PTCHD4: variants seen among roughly 807,000 people sequenced by gnomAD.
The protein encoded by PTCHD4 is patched domain containing 4, also known as patched domain-containing protein 4.
PTCHD4 carries 33 observed loss-of-function variants against 58.1 expected under a neutral mutation model. The observed-to-expected ratio is 0.57, with a 90% CI of 0.43 to 0.76. The LOEUF (loss-of-function observed/expected upper bound fraction) is 0.76, where lower values mean the gene tolerates loss of function less well. Ranked by LOEUF, PTCHD4 falls within the 30% of genes least tolerant of loss-of-function variation. PTCHD4 has a pLI of 0.00. For synonymous variants in PTCHD4, 478 were observed against 409.6 expected (o/e 1.17, Z -2.02); for missense variants, 1,058 against 1,027.1 (o/e 1.03, Z -0.41).
chr6:48,110,417 A>T lies in PTCHD4; in HGVS notation c.-970+632T>A, dbSNP rs183510200. On this transcript the variant is annotated intron_variant, in intron 1 of 4. Transcript: ENST00000339488. ...TCTCACTTACACACAGATTTTTTTAAAAAATAGAATACATAAAAGAAACAG... is the reference window on the plus strand; with the variant it reads ...TCTCACTTACACACAGATTTTTTTATAAAATAGAATACATAAAAGAAACAG... Among the ~76,000 whole-genome samples, 398 of 152,208 alleles carry T rather than the reference A, an allele frequency of 2.6e-3. 1 individual carries two copies. Among genetic ancestry groups the T allele is most frequent in the African/African-American group, 7.9e-3 (328 of 41,542 alleles).
chr6:48,084,260 A>C (rs1361076069), intron 1 of PTCHD4, among the ~76,000 whole-genome samples: 1 of 152,220 alleles, frequency 6.6e-6, no homozygotes, highest in Non-Finnish European at 1.5e-5. Flanking sequence ...TCTGTATTCT[A>C]CTGGATACTT....
chr6:48,074,275 G>A (rs1024582162), intron 1 of PTCHD4, among the ~76,000 whole-genome samples: 1 of 152,164 alleles, frequency 6.6e-6, no homozygotes, highest in African/African-American at 2.4e-5. Context: ...ATAACAAGAT[G>A]TCCACAAGAA....
At chr6:47,916,487 A>G (rs1765247979) in intron 4 of PTCHD4, among the ~76,000 whole-genome samples, 1 of 151,956 alleles carries the variant, frequency 6.6e-6, no homozygotes, top group Non-Finnish European at 1.5e-5. Context: ...TCTCCCCACC[A>G]CCTACAAATA....
At chr6:48,075,598 C>T (rs1447563913) in intron 1 of PTCHD4, among the ~76,000 whole-genome samples, 1 of 152,126 alleles carries the variant, frequency 6.6e-6, no homozygotes, top group South Asian at 2.1e-4. Context: ...ATTGCAGGTT[C>T]ATTTCCAGAC....
At chr6:48,095,710 AAAAC>A (rs1379084048) in intron 1 of PTCHD4, among the ~76,000 whole-genome samples, 71 of 148,768 alleles carry the variant, frequency 4.8e-4, no homozygotes, top group African/African-American at 1.5e-3. Context: ...AACAAAAACA[AAAAC>A]AAACAAACAA....
chr6:47,905,112 C>A (rs545853678), intron 4 of PTCHD4, among the ~76,000 whole-genome samples: 15 of 147,594 alleles, frequency 1.0e-4, no homozygotes, highest in African/African-American at 3.5e-4. Flanking sequence ...CTTTTGACAG[C>A]AACGTGGAAA....
At chr6:48,088,237 C>T (rs1311596884) in intron 1 of PTCHD4, among the ~76,000 whole-genome samples, 1 of 151,822 alleles carries the variant, frequency 6.6e-6, no homozygotes, top group Admixed American at 6.6e-5. Context: ...TTTAGTGTGC[C>T]CCGTTTGGAA....
intron 4 of PTCHD4, among the ~76,000 whole-genome samples, chr6:47,885,710 A>AT (rs528017668): frequency 1.5e-3 from 224 of 152,212 alleles, no homozygotes; most frequent in African/African-American, 4.9e-3. Context: ...CTTTAAGAAC[A>AT]TTTTTTCCAA....
chr6:47,866,638 C>T lies in PTCHD4; in HGVS notation c.*11665G>A, dbSNP rs1377841053. On this transcript the variant is annotated 3_prime_UTR_variant, in exon 5 of 5. Transcript: ENST00000339488. ...CTCTAAAAAGCATAATTAGGAAATGCTTTTTTCAGGTTTAAAGTTTAAAAT... is the reference window on the plus strand; with the variant it reads ...CTCTAAAAAGCATAATTAGGAAATGTTTTTTTCAGGTTTAAAGTTTAAAAT... 6.6e-6 allele frequency among the ~76,000 whole-genome samples: 1 copy of T among 151,796 alleles called. No homozygotes were observed. The highest frequency in any genetic ancestry group is 6.6e-5 in the Admixed American group (1 of 15,202).
chr6:48,018,148 T>C lies in PTCHD4; in HGVS notation c.418-9034A>G, dbSNP rs141532864. 5.4e-3 allele frequency among the ~76,000 whole-genome samples: 817 copies of C among 152,304 alleles called. 9 individuals carry two copies. The highest frequency in any genetic ancestry group is 0.019 in the African/African-American group (789 of 41,560). Reference sequence around the variant, plus strand: ...AGATTATTCCATATTTCCCAGCAAATGTTTGTAATATGGTGGAAAGAACAT... The same window carrying C: ...AGATTATTCCATATTTCCCAGCAAACGTTTGTAATATGGTGGAAAGAACAT... On this transcript the variant is annotated intron_variant, in intron 3 of 4. Transcript: ENST00000339488.
intron 4 of PTCHD4, among the ~76,000 whole-genome samples, chr6:47,905,247 AG>A (rs1180108813): frequency 1.3e-5 from 2 of 152,208 alleles, no homozygotes; most frequent in Non-Finnish European, 2.9e-5. Context: ...AAAACGTGGT[AG>A]ATTTTACCTT....
chr6:47,881,604 A>G (rs114412653), intron 4 of PTCHD4, among the ~76,000 whole-genome samples: 2 of 152,270 alleles, frequency 1.3e-5, no homozygotes, highest in African/African-American at 2.4e-5. Flanking sequence ...CTAACCAACA[A>G]TGTTTCCTAG....
intron 4 of PTCHD4, among the ~76,000 whole-genome samples, chr6:47,936,181 G>A (rs1298118551): frequency 6.6e-6 from 1 of 152,194 alleles, no homozygotes; most frequent in Non-Finnish European, 1.5e-5. Flanking sequence ...AGTCGACTAG[G>A]TGAAAGAAGA....
chr6:48,100,004 A>T (rs956472032), intron 1 of PTCHD4, among the ~76,000 whole-genome samples: 22 of 152,210 alleles, frequency 1.4e-4, no homozygotes, highest in African/African-American at 5.3e-4. Context: ...AAATCCAGAA[A>T]ACATTACTAT....
intron 1 of PTCHD4, among the ~76,000 whole-genome samples, chr6:48,091,543 T>C (rs189218187): frequency 6.6e-6 from 1 of 152,190 alleles, no homozygotes; most frequent in East Asian, 1.9e-4. Context: ...GTACAGAACT[T>C]TGGACCACAC....
intron 4 of PTCHD4, among the ~76,000 whole-genome samples, chr6:47,893,300 C>T (rs996320958): frequency 9.8e-5 from 15 of 152,286 alleles, no homozygotes; most frequent in Admixed American, 2.6e-4. Flanking sequence ...CGAGCCACAA[C>T]GACCAGGTTG....
At position 47,878,507 on chromosome 6, in the gene PTCHD4, G is replaced by T. The variant is rs747954378; in HGVS notation, c.2328C>A (p.Asn776Lys). ...AGCATTTGAACAGTGTGAAGGTCAG[G>T]TTCGAAGGCACAAATAGAAGGGGGA... is the stretch of plus-strand genomic sequence containing the variant. ...GLVPLLFVPS[N>K]LTFTLFKCLL... Residue 776 changes from asparagine to lysine, a missense_variant, in exon 5 of 5, where the codon AAC becomes AAA. Coordinates refer to ENST00000339488, the MANE Select transcript of PTCHD4 (RefSeq NM_001384253.1). 1 of 1,613,402 alleles carries T rather than the reference G, an allele frequency of 6.2e-7. No individual in the cohort carries two copies. Among genetic ancestry groups the T allele is most frequent in the Non-Finnish European group, 8.5e-7 (1 of 1,179,680 alleles).
At chr6:48,091,621 C>A (rs115951075) in intron 1 of PTCHD4, among the ~76,000 whole-genome samples, 1 of 149,746 alleles carries the variant, frequency 6.7e-6, no homozygotes, top group African/African-American at 2.4e-5. Flanking sequence ...CCTTCCCTCC[C>A]TCCCTCCCTC....
At chr6:48,104,363 T>C (rs1261369690) in intron 1 of PTCHD4, among the ~76,000 whole-genome samples, 1 of 152,000 alleles carries the variant, frequency 6.6e-6, no homozygotes, top group African/African-American at 2.4e-5. Context: ...GCTTCATAAG[T>C]GAAGGAGAAA....
Sources: gnomAD v4.1 joint callset for allele counts (sites outside exome capture counted in the v4.1 genomes callset) on GRCh38, gnomAD v4.1.1 for gene constraint, MANE v1.5 for transcripts, NCBI Gene and HGNC (gene_info 2026-07-23, HGNC 2026-07-21) for gene names.